Variants in POTEG observed in about 807,000 individuals in gnomAD.
POTEG encodes the protein ANKRD26-like family C member 2.
A neutral mutation model predicts 49.6 loss-of-function variants in POTEG; 2 were observed. The observed-to-expected ratio is 0.04, with a 90% confidence interval of 0.02 to 0.13. POTEG has a LOEUF of 0.13. Among genes scored for constraint, POTEG ranks in the 10% least tolerant of loss-of-function variants. The pLI, the probability that POTEG is intolerant of heterozygous loss-of-function variation, is 1.00. For synonymous variants in POTEG, 7 were observed against 186.6 expected (o/e 0.04, Z 7.84); for missense variants, 26 against 545.2 (o/e 0.05, Z 9.48).
chr14:19,415,254 A>G (rs1471773083), intron 7 of POTEG, among the ~76,000 whole-genome samples: 1 of 142,194 alleles, frequency 7.0e-6, no homozygotes, highest in African/African-American at 2.5e-5. Context: ...TAAAAATTTT[A>G]ATCTGTCCTG....
At chr14:19,415,295 T>C (rs1434221467) in intron 7 of POTEG, among the ~76,000 whole-genome samples, 4 of 142,400 alleles carry the variant, frequency 2.8e-5, no homozygotes, top group African/African-American at 7.5e-5. Flanking sequence ...ATTAGAATGT[T>C]ATTGTGTTTG....
chr14:19,414,761 A>G (rs1883483690), intron 7 of POTEG, among the ~76,000 whole-genome samples, 155 bp from the exon 8 acceptor site: 1 of 147,688 alleles, frequency 6.8e-6, no homozygotes, highest in Non-Finnish European at 1.5e-5. Flanking sequence ...AAAAAAATAA[A>G]TAATAATTAA....
At chr14:19,415,829 A>ATATTCTT (rs1491555758) in intron 7 of POTEG, among the ~76,000 whole-genome samples, 1 of 96,702 alleles carries the variant, frequency 1.0e-5, no homozygotes. Context: ...ATCTATTAAA[A>ATATTCTT]TTTTTTTTTT....
intron 1 of POTEG, among the ~76,000 whole-genome samples, chr14:19,429,590 T>C (rs1884071295): frequency 1.5e-5 from 2 of 132,410 alleles, no homozygotes; most frequent in Non-Finnish European, 3.3e-5. Context: ...TTACAATTCA[T>C]GATTTACTAT....
intron 1 of POTEG, among the ~76,000 whole-genome samples, chr14:19,432,403 T>TATACATACAC (rs1330765784): frequency 6.7e-5 from 3 of 44,730 alleles, no homozygotes; most frequent in Admixed American, 2.5e-4. Flanking sequence ...TATATATATA[T>TATACATACAC]ACACACACAT....
intron 1 of POTEG, among the ~76,000 whole-genome samples, chr14:19,432,438 A>ATC (rs1176931656): frequency 1.0e-5 from 1 of 98,344 alleles, no homozygotes; most frequent in Admixed American, 1.0e-4. Flanking sequence ...ATACGTATAT[A>ATC]TATATATACA....
intron 9 of POTEG, among the ~76,000 whole-genome samples, chr14:19,409,772 A>AAAAGGGGATTTTAAGTTTCCC: frequency 2.1e-5 from 2 of 95,180 alleles, no homozygotes; most frequent in Non-Finnish European, 5.0e-5. Context: ...TAAGTAAAAA[A>AAAAGGGGATTTTAAGTTTCCC]CTGAAGTAAT....
At chr14:19,414,907 G>C (rs1346636522) in intron 7 of POTEG, among the ~76,000 whole-genome samples, 1 of 124,884 alleles carries the variant, frequency 8.0e-6, no homozygotes, top group African/African-American at 2.6e-5. Context: ...CTATTTGTTC[G>C]GACTAAACTT....
intron 7 of POTEG, among the ~76,000 whole-genome samples, chr14:19,415,829 A>ATTTTTTTTTTTTTTTT (rs58833974): frequency 1.0e-5 from 1 of 96,698 alleles, no homozygotes; most frequent in African/African-American, 4.5e-5. Flanking sequence ...ATCTATTAAA[A>ATTTTTTTTTTTTTTTT]TTTTTTTTTT....
intron 1 of POTEG, among the ~76,000 whole-genome samples, chr14:19,432,252 AGC>A: frequency 1.5e-5 from 1 of 66,072 alleles, no homozygotes; most frequent in Non-Finnish European, 3.0e-5. Flanking sequence ...AGTAGGCTGA[AGC>A]AGAGAATTGC....
intron 1 of POTEG, among the ~76,000 whole-genome samples, chr14:19,432,366 GTA>G (rs58599371): frequency 0.028 from 1,074 of 37,782 alleles, 6 homozygotes; most frequent in Middle Eastern, 0.043. Flanking sequence ...AAGAAATTTT[GTA>G]TATATATATA....
intron 7 of POTEG, among the ~76,000 whole-genome samples, chr14:19,415,860 T>C (rs1883541085): frequency 2.7e-5 from 2 of 75,282 alleles, no homozygotes; most frequent in South Asian, 9.1e-4. Flanking sequence ...TTTTTTTTTT[T>C]TTTGACACAG....
chr14:19,424,533 T>A, intron 4 of POTEG: 1 of 184,498 alleles, frequency 5.4e-6, no homozygotes, highest in Non-Finnish European at 8.9e-6. Context: ...TAGCAGAAGC[T>A]ACTAATTTAA....
At chr14:19,414,802 G>C (rs1457804129) in intron 7 of POTEG, among the ~76,000 whole-genome samples, 196 bp from the exon 8 acceptor site, 5 of 141,888 alleles carry the variant, frequency 3.5e-5, no homozygotes, top group African/African-American at 1.2e-4. Context: ...TCTATGTTTA[G>C]CTACTGCCAC....
At chr14:19,419,937 A>G (rs1251764285) in intron 6 of POTEG, among the ~76,000 whole-genome samples, 1 of 143,708 alleles carries the variant, frequency 7.0e-6, no homozygotes, top group African/African-American at 2.8e-5. Flanking sequence ...TCATTTCTAT[A>G]GTATTAAAAA....
intron 4 of POTEG, 126 bp from the exon 5 acceptor site, chr14:19,424,428 A>T: frequency 1.6e-6 from 1 of 614,372 alleles, no homozygotes; most frequent in Non-Finnish European, 2.4e-6. Flanking sequence ...AGACATAAGC[A>T]TCTTCAGTGC....
intron 6 of POTEG, among the ~76,000 whole-genome samples, chr14:19,418,381 CG>C (rs1471961021): frequency 3.6e-5 from 1 of 28,058 alleles, no homozygotes; most frequent in African/African-American, 6.2e-5. Flanking sequence ...TTCTGGCAGC[CG>C]TGACTCACAC....
intron 3 of POTEG, among the ~76,000 whole-genome samples, chr14:19,427,543 TAA>T (rs1884005556): frequency 6.6e-6 from 1 of 152,306 alleles, no homozygotes; most frequent in African/African-American, 2.4e-5. Flanking sequence ...CCAAAAAGAG[TAA>T]AGAGTAGGAG....
chr14:19,432,995 G>A (rs1884223205), intron 1 of POTEG, among the ~76,000 whole-genome samples: 1 of 57,600 alleles, frequency 1.7e-5, no homozygotes, highest in African/African-American at 7.6e-5. Context: ...CGTGATCTCG[G>A]CTCACTGCAA....
Sources: gnomAD v4.1 joint callset for allele counts (sites outside exome capture counted in the v4.1 genomes callset) on GRCh38, gnomAD v4.1.1 for gene constraint, MANE v1.5 for transcripts, NCBI Gene and HGNC (gene_info 2026-07-23, HGNC 2026-07-21) for gene names.